The following ZNHIT6 variants were observed in gnomAD, a reference collection of about 807,000 sequenced individuals.
ZNHIT6 encodes zinc finger HIT-type containing 6, also known as box C/D snoRNA protein 1.
ZNHIT6 carries 45 observed loss-of-function variants against 57.2 expected under a neutral mutation model. The ratio of observed to expected loss-of-function variants is 0.79; its 90% CI spans 0.62 to 1.01. The LOEUF (loss-of-function observed/expected upper bound fraction) is 1.01, where lower values mean the gene tolerates loss of function less well. Among genes scored for constraint, ZNHIT6 ranks in the 50% least tolerant of loss-of-function variants. ZNHIT6 has a pLI of 0.00. For synonymous variants in ZNHIT6, 188 were observed against 190.0 expected, an observed-to-expected ratio of 0.99 and a Z score of 0.09; for missense variants, 528 against 567.3, an observed-to-expected ratio of 0.93 and a Z score of 0.70.
intron 5 of ZNHIT6, among the ~76,000 whole-genome samples, chr1:85,690,304 C>T (rs1232971255): frequency 6.6e-6 from 1 of 152,128 alleles, no homozygotes; most frequent in African/African-American, 2.4e-5. Flanking sequence ...CTCACCAAAC[C>T]CCCACTGGTT....
intron 9 of ZNHIT6, 137 bp downstream of exon 9, chr1:85,657,710 A>C: frequency 1.3e-6 from 1 of 780,412 alleles, no homozygotes; most frequent in South Asian, 2.2e-5. Context: ...GGTTCTTCAC[A>C]TTAACTAGCT....
At chr1:85,663,292 G>C (rs546976778) in intron 8 of ZNHIT6, among the ~76,000 whole-genome samples, 95 of 152,284 alleles carry the variant, frequency 6.2e-4, no homozygotes, top group African/African-American at 2.2e-3. Context: ...CAGAGACAGA[G>C]ACTAGTTAGT....
At chr1:85,690,838 C>T (rs201176464) in intron 5 of ZNHIT6, among the ~76,000 whole-genome samples, 2 of 152,232 alleles carry the variant, frequency 1.3e-5, no homozygotes, top group East Asian at 3.9e-4. Context: ...CCAGCCTGGC[C>T]AACATGGTGA....
intron 5 of ZNHIT6, among the ~76,000 whole-genome samples, chr1:85,689,917 AAGG>A (rs1457413310): frequency 3.9e-5 from 6 of 152,214 alleles, no homozygotes; most frequent in African/African-American, 1.4e-4. Context: ...AGAAAGTAGA[AAGG>A]AGACCAGATA....
At chr1:85,706,042 G>A (rs756583897) in intron 4 of ZNHIT6, 36 bp downstream of exon 4, 1 of 1,469,818 alleles carries the variant, frequency 6.8e-7, no homozygotes, top group East Asian at 2.3e-5. Context: ...TGATTTGAAG[G>A]ACTTCTAACT....
intron 5 of ZNHIT6, among the ~76,000 whole-genome samples, chr1:85,700,953 G>A (rs184759442): frequency 4.9e-4 from 74 of 152,094 alleles, no homozygotes; most frequent in South Asian, 1.2e-3. Flanking sequence ...ATCACAGGTG[G>A]GTGCCACTGC....
intron 5 of ZNHIT6, among the ~76,000 whole-genome samples, chr1:85,694,207 G>C (rs1374159836): frequency 6.6e-6 from 1 of 152,160 alleles, no homozygotes; most frequent in Non-Finnish European, 1.5e-5. Flanking sequence ...TAAGATTTGT[G>C]CATTTCATTA....
chr1:85,691,514 T>C (rs1386704970), intron 5 of ZNHIT6, among the ~76,000 whole-genome samples: 1 of 152,194 alleles, frequency 6.6e-6, no homozygotes, highest in East Asian at 1.9e-4. Context: ...AATTGAGATA[T>C]CTCTGAGCTA....
At chr1:85,700,687 ACTAACCAGTTACCATAAACTT>A (rs1011423611) in intron 5 of ZNHIT6, among the ~76,000 whole-genome samples, 57 of 152,358 alleles carry the variant, frequency 3.7e-4, no homozygotes, top group African/African-American at 1.3e-3. Flanking sequence ...TTGAGAAAGC[ACTAACCAGTTACCATAAACTT>A]CTAACCAGTT....
chr1:85,706,393 G>A, intron 2 of ZNHIT6, 38 bp from the exon 3 acceptor site: 2 of 1,613,314 alleles, frequency 1.2e-6, no homozygotes, highest in Non-Finnish European at 1.7e-6. Flanking sequence ...ATATTTTAGG[G>A]TAAGAAAGGT....
intron 5 of ZNHIT6, among the ~76,000 whole-genome samples, chr1:85,683,136 G>A (rs1661925316): frequency 6.6e-6 from 1 of 152,170 alleles, no homozygotes; most frequent in South Asian, 2.1e-4. Context: ...AGAATCACCT[G>A]AGCCCAGGAG....
chr1:85,650,391 TGACTGCTTTTGACGTTTG>T lies in ZNHIT6; in HGVS notation c.*3649_*3666del, dbSNP rs915978662. 6.6e-6 allele frequency: 1 copy of T among 152,212 alleles called. No homozygotes were observed. Among genetic ancestry groups the T allele is most frequent in the Non-Finnish European group, 1.5e-5 (1 of 68,036 alleles). The allele number at this position is 152,212 out of a possible 1,614,324, so 9.4% of individuals were successfully genotyped here. ...GAGCCAAGTGTGTAGGATGGCAAGA[TGACTGCTTTTGACGTTTG>T]GACCCAGGACCCAGTCATTGCCTGG... On this transcript the variant is annotated 3_prime_UTR_variant, in exon 10 of 10. Coordinates refer to ENST00000370574, the MANE Select transcript of ZNHIT6 (RefSeq NM_017953.4).
At chr1:85,665,110 C>T (rs145977297) in intron 8 of ZNHIT6, among the ~76,000 whole-genome samples, 1 of 151,354 alleles carries the variant, frequency 6.6e-6, no homozygotes, top group Non-Finnish European at 1.5e-5. Flanking sequence ...TTGTTCAGTA[C>T]CAACATCCAA....
chr1:85,676,484 G>T (rs1424117573), intron 8 of ZNHIT6, among the ~76,000 whole-genome samples: 1 of 152,102 alleles, frequency 6.6e-6, no homozygotes, highest in Non-Finnish European at 1.5e-5. Context: ...GCCTATCTCG[G>T]CTTTCAACAT....
chr1:85,677,874 G>A (rs1199291602), intron 7 of ZNHIT6, among the ~76,000 whole-genome samples: 3 of 152,128 alleles, frequency 2.0e-5, no homozygotes, highest in East Asian at 3.9e-4. Context: ...AAAGTCAACC[G>A]GGTTTCTGCC....
intron 8 of ZNHIT6, among the ~76,000 whole-genome samples, chr1:85,675,823 C>T (rs186341265): frequency 1.3e-5 from 2 of 152,318 alleles, no homozygotes; most frequent in Admixed American, 1.3e-4. Context: ...CTTCACCCCA[C>T]ACATAACCCA....
At chr1:85,680,796 A>G (rs771320184) in intron 6 of ZNHIT6, 40 bp downstream of exon 6, 2 of 1,497,438 alleles carry the variant, frequency 1.3e-6, no homozygotes, top group Non-Finnish European at 1.8e-6. Flanking sequence ...CACAGCCTTC[A>G]AATTAAAACA....
Position 85,707,583 on chromosome 1 carries a change from G to C in ZNHIT6, c.656+46C>G, listed in dbSNP as rs75516888. 3.8e-3 allele frequency: 5,691 copies of C among 1,505,322 alleles called. 198 individuals are homozygous for C. In the African/African-American group the frequency reaches 0.072, roughly 19 times the overall value. The allele number at this position is 1,505,322 out of a possible 1,614,324, so 93.2% of individuals were successfully genotyped here. The stretch of plus-strand genomic sequence containing the variant: ...GTGGTTTCCTTCACTCTAGACATGA[G>C]GACTCCACAGCTTTATTCCCCTAAA... On this transcript the variant is annotated intron_variant, in intron 1 of 9. Coordinates refer to ENST00000370574, the MANE Select transcript of ZNHIT6 (RefSeq NM_017953.4).
chr1:85,672,795 CA>C (rs11344429), intron 8 of ZNHIT6, among the ~76,000 whole-genome samples: 81,648 of 133,692 alleles, frequency 0.61, 23,293 homozygotes, highest in South Asian at 0.75. Flanking sequence ...GCTTAAATCA[CA>C]AAAAAAAAAA....
Sources: allele counts gnomAD v4.1 joint callset (sites outside exome capture counted in the v4.1 genomes callset), GRCh38; gene constraint gnomAD v4.1.1; transcripts MANE v1.5; gene names NCBI Gene and HGNC (gene_info 2026-07-23, HGNC 2026-07-21).